The following AGBL4 variants were observed in gnomAD, a reference collection of about 807,000 sequenced individuals.
The protein encoded by AGBL4 is cytosolic carboxypeptidase 6.
In AGBL4, 58 loss-of-function variants were observed where a neutral mutation model predicts 66.4. The observed-to-expected ratio is 0.87, with a 90% CI of 0.71 to 1.09. The LOEUF (loss-of-function observed/expected upper bound fraction) is 1.09. Among genes scored for constraint, AGBL4 ranks in the 50% least tolerant of loss-of-function variants. AGBL4 has a pLI of 0.00. For synonymous variants in AGBL4, 234 were observed against 222.9 expected (o/e 1.05, Z -0.44); for missense variants, 579 against 631.0 (o/e 0.92, Z 0.88).
intron 11 of AGBL4, among the ~76,000 whole-genome samples, chr1:48,566,202 T>A (rs1644473500): frequency 6.6e-6 from 1 of 152,218 alleles, no homozygotes; most frequent in African/African-American, 2.4e-5. Flanking sequence ...TTGTATGAAC[T>A]CAGCATTCAG....
chr1:49,101,039 A>G (rs969105938), intron 4 of AGBL4, among the ~76,000 whole-genome samples: 4 of 152,168 alleles, frequency 2.6e-5, no homozygotes, highest in Non-Finnish European at 4.4e-5. Context: ...AGAGTTTCTT[A>G]TGTGTATGAG....
chr1:49,498,331 C>T (rs1461238938), intron 3 of AGBL4, among the ~76,000 whole-genome samples: 1 of 151,828 alleles, frequency 6.6e-6, no homozygotes, highest in African/African-American at 2.4e-5. Flanking sequence ...TAGCTTCTCC[C>T]TTTCCTATAT....
chr1:48,534,128 A>C lies in AGBL4; in HGVS notation c.*45T>G. On this transcript the variant is annotated 3_prime_UTR_variant, in exon 14 of 14. Transcript: ENST00000371839. ...TGATTAATTTCATTCCCCAGCAGAA[A>C]ATGCATGCTCCTGTCCCCATAAGAC... 1 of 1,551,214 alleles carries C rather than the reference A, an allele frequency of 6.4e-7. No homozygotes were observed. The highest frequency in any genetic ancestry group is 8.7e-7 in the Non-Finnish European group (1 of 1,146,660).
chr1:48,826,788 C>A (rs1022427389), intron 6 of AGBL4, among the ~76,000 whole-genome samples: 1 of 152,178 alleles, frequency 6.6e-6, no homozygotes, highest in East Asian at 1.9e-4. Flanking sequence ...AAAGACTTAA[C>A]AAACGCTGAG....
chr1:48,805,094 C>T (rs1645894099), intron 6 of AGBL4, among the ~76,000 whole-genome samples: 1 of 152,048 alleles, frequency 6.6e-6, no homozygotes, highest in African/African-American at 2.4e-5. Context: ...GGTACCAGAC[C>T]CCCATGCTAG....
intron 2 of AGBL4, among the ~76,000 whole-genome samples, chr1:49,755,369 A>T (rs1571494569): frequency 6.6e-6 from 1 of 152,188 alleles, no homozygotes; most frequent in Non-Finnish European, 1.5e-5. Context: ...GACTTGCTCC[A>T]AGCTATACTG....
At chr1:49,465,720 T>C (rs1212656488) in intron 3 of AGBL4, among the ~76,000 whole-genome samples, 1 of 151,846 alleles carries the variant, frequency 6.6e-6, no homozygotes, top group Non-Finnish European at 1.5e-5. Context: ...AAGAGGTGGT[T>C]TGGTAATAAA....
At chr1:49,095,483 A>G (rs1229150201) in intron 4 of AGBL4, among the ~76,000 whole-genome samples, 1 of 152,242 alleles carries the variant, frequency 6.6e-6, no homozygotes. Context: ...GTACCAAAAC[A>G]GAGATAGATA....
At chr1:48,766,026 C>T (rs1013991448) in intron 6 of AGBL4, among the ~76,000 whole-genome samples, 4 of 151,994 alleles carry the variant, frequency 2.6e-5, no homozygotes, top group African/African-American at 9.7e-5. Flanking sequence ...AGGAATATAC[C>T]AAAAAACACT....
At chr1:49,957,802 A>C (rs971658093) in intron 1 of AGBL4, among the ~76,000 whole-genome samples, 36 of 151,948 alleles carry the variant, frequency 2.4e-4, no homozygotes, top group African/African-American at 8.2e-4. Flanking sequence ...ATGGATCTTG[A>C]CTGTTTATCC....
chr1:48,935,958 G>GGAA (rs1655420887), intron 5 of AGBL4, among the ~76,000 whole-genome samples: 1 of 24,584 alleles, frequency 4.1e-5, no homozygotes, highest in Non-Finnish European at 8.5e-5. Flanking sequence ...GACTCTGTCT[G>GGAA]AAAAAAAAAA....
At chr1:49,419,512 A>G (rs1645497664) in intron 3 of AGBL4, among the ~76,000 whole-genome samples, 1 of 151,956 alleles carries the variant, frequency 6.6e-6, no homozygotes, top group Non-Finnish European at 1.5e-5. Flanking sequence ...GAAAAAAAAT[A>G]TTTTCTGGAT....
intron 9 of AGBL4, among the ~76,000 whole-genome samples, chr1:48,630,654 T>C (rs910431784): frequency 2.0e-5 from 3 of 152,224 alleles, no homozygotes; most frequent in Non-Finnish European, 4.4e-5. Context: ...CCGAATTTAT[T>C]TTTCTAACAG....
Position 49,753,265 on chromosome 1 carries a change from T to C in AGBL4, c.158-55828A>G, listed in dbSNP as rs549724844. ...GGAGCTCTTGCACGGGCAAGGCTGA[T>C]GGTGACAAAATCCTTCAGCATTTGC... On this transcript the variant is annotated intron_variant, in intron 2 of 13. Transcript: ENST00000371839. Among the ~76,000 whole-genome samples, 3 of 152,352 alleles carry C rather than the reference T, an allele frequency of 2.0e-5. No homozygotes were observed. In the East Asian group the frequency reaches 5.8e-4, roughly 29 times the overall value.
At chr1:48,571,716 G>T (rs927982259) in intron 11 of AGBL4, among the ~76,000 whole-genome samples, 5 of 152,206 alleles carry the variant, frequency 3.3e-5, no homozygotes, top group African/African-American at 9.6e-5. Context: ...AAATAAATGA[G>T]CAAGCAAATT....
At chr1:48,763,307 C>T (rs1447838886) in intron 6 of AGBL4, among the ~76,000 whole-genome samples, 1 of 152,198 alleles carries the variant, frequency 6.6e-6, no homozygotes, top group Non-Finnish European at 1.5e-5. Flanking sequence ...CTATAAAACA[C>T]ATCCAATGGG....
intron 4 of AGBL4, among the ~76,000 whole-genome samples, chr1:49,209,720 A>C (rs1288952842): frequency 6.6e-6 from 1 of 152,106 alleles, no homozygotes; most frequent in African/African-American, 2.4e-5. Context: ...CATGTTTACA[A>C]ATAAGACAAT....
At chr1:49,348,299 T>A (rs1435641664) in intron 3 of AGBL4, among the ~76,000 whole-genome samples, 6 of 152,010 alleles carry the variant, frequency 3.9e-5, no homozygotes, top group Non-Finnish European at 7.4e-5. Flanking sequence ...GTGCCTGTAG[T>A]CCCAGCTACT....
At chr1:49,823,960 C>T (rs918346263) in intron 2 of AGBL4, among the ~76,000 whole-genome samples, 1 of 152,036 alleles carries the variant, frequency 6.6e-6, no homozygotes, top group Non-Finnish European at 1.5e-5. Flanking sequence ...CCTGTAATCC[C>T]AGCACTTTGG....
Sources: allele counts gnomAD v4.1 joint callset (sites outside exome capture counted in the v4.1 genomes callset), GRCh38; gene constraint gnomAD v4.1.1; transcripts MANE v1.5; gene names NCBI Gene and HGNC (gene_info 2026-07-23, HGNC 2026-07-21).